TEP1: variants seen among roughly 807,000 people sequenced by gnomAD.
TEP1 encodes telomerase protein component 1.
A neutral mutation model predicts 306.3 loss-of-function variants in TEP1; 241 were observed. The ratio of observed to expected loss-of-function variants is 0.79; its 90% CI spans 0.71 to 0.88. TEP1 has a LOEUF of 0.88. Among genes scored for constraint, TEP1 ranks in the 40% least tolerant of loss-of-function variants. The pLI is 0.00. For missense variants in TEP1, 3,051 were observed against 3,276.1 expected (o/e 0.93, Z 1.68); for synonymous variants, 1,289 against 1,305.5 (o/e 0.99, Z 0.27).
chr14:20,390,483 ACC>A (rs2139109692), intron 15 of TEP1, among the ~76,000 whole-genome samples, 196 bp downstream of exon 15: 2 of 152,338 alleles, frequency 1.3e-5, no homozygotes, highest in South Asian at 4.1e-4. Flanking sequence ...GATGCTACTA[ACC>A]AAGGCTTATT....
At position 20,369,857 on chromosome 14, in the gene TEP1, C is replaced by T. The variant is rs944100457; in HGVS notation, c.7318-78G>A. On this transcript the variant is annotated intron_variant, in intron 51 of 54. Coordinates refer to ENST00000262715, the MANE Select transcript of TEP1 (RefSeq NM_007110.5). ...CCAGACAAAACAACAGTTTTCTGCT[C>T]TGGGCTGGTCAGGAATTTTTTTTTT... 3.5e-6 allele frequency: 4 copies of T among 1,145,550 alleles called. No individual in the cohort carries two copies. In the African/African-American group the frequency reaches 4.9e-5, roughly 14 times the overall value. The allele number at this position is 1,145,550 out of a possible 1,614,324, so 71.0% of individuals were successfully genotyped here.
Position 20,376,122 on chromosome 14 carries a change from G to A in TEP1, c.6231C>T (p.Ala2077=). ...CSFSTDGGSL[A]TGGRDRSLLC... is the part of the protein sequence containing the mutation. ...AGCTCACCCGATCCCGGCCCCCGGT[G>A]GCCAGGCTGCCTCCATCAGTGCTGA... The change falls in exon 42 of 55, where the codon GCC becomes GCT. Residue 2077 remains alanine (A), a synonymous_variant. Transcript: ENST00000262715. 6.2e-7 allele frequency: 1 copy of A among 1,614,126 alleles called. No individual in the cohort carries two copies. The highest frequency in any genetic ancestry group is 8.5e-7 in the Non-Finnish European group (1 of 1,180,012).
At chr14:20,379,431 C>A (rs1464034626) in intron 35 of TEP1, among the ~76,000 whole-genome samples, 1 of 152,202 alleles carries the variant, frequency 6.6e-6, no homozygotes, top group Non-Finnish European at 1.5e-5. Flanking sequence ...ACCTCTCCAG[C>A]CTAATGTACT....
chr14:20,395,604 T>C lies in TEP1; in HGVS notation c.1774A>G (p.Thr592Ala). ...NQALPFPSNI[T>A]LMRRILTRNE... ...CTAGTTAGTATCCGCCTCATCAGTG[T>C]TATATTCGAAGGAAAGGGCAATGCT... is the stretch of plus-strand genomic sequence containing the variant. The change falls in exon 12 of 55, where the codon ACA (threonine) becomes GCA (alanine). Residue 592 changes from threonine to alanine, a missense_variant. By Grantham distance (58) the Thr-to-Ala change is moderately conservative (BLOSUM62 0). This residue lies in a region of TEP1 where 1,507 missense variants were observed against 1,550.5 expected (regional missense o/e 0.97). Coordinates refer to ENST00000262715, the MANE Select transcript of TEP1 (RefSeq NM_007110.5). The C allele has an allele frequency of 6.2e-7, 1 of 1,603,500 alleles. No individual in the cohort carries two copies. Among genetic ancestry groups the C allele is most frequent in the Non-Finnish European group, 8.5e-7 (1 of 1,171,098 alleles).
chr14:20,387,695 T>C (rs1877323404), intron 18 of TEP1, among the ~76,000 whole-genome samples: 1 of 152,268 alleles, frequency 6.6e-6, no homozygotes. Context: ...ATCTTTGCAT[T>C]CTGACTTCCT....
In TEP1 at chr14:20,377,635, C is replaced by T. The variant is rs377389073; in HGVS notation, c.5840G>A (p.Arg1947Gln). 18 of 1,614,004 alleles carry T rather than the reference C, an allele frequency of 1.1e-5. No individual in the cohort carries two copies. Among genetic ancestry groups the T allele is most frequent in the East Asian group, 2.2e-5 (1 of 44,886 alleles). Residue 1947 changes from arginine (R) to glutamine (Q), a missense_variant, in exon 40 of 55, where the codon CGA (arginine) becomes CAA (glutamine). This residue lies in a region of TEP1 where 1,540 missense variants were observed against 1,705.9 expected (regional missense o/e 0.90). Coordinates refer to ENST00000262715, the MANE Select transcript of TEP1 (RefSeq NM_007110.5). ...TTTGTAGATCCTAATGCCATCCGCT[C>T]GATATCCAACAGCCACCCGATCACC... ...PDGDRVAVGY[R>Q]ADGIRIYKIS...
rs763805137 is a variant in TEP1, at chr14:20,390,752, CA to C, written c.2262del (p.Phe754LeufsTer9). ...AIKLQAQVQE[F>X]DENDGWSLNT... ...TTCAGGGACCATCCATCATTTTCAT[CA>C]AACTCCTGAAGGAAAGAGACTTCAT... On this transcript the variant is annotated frameshift_variant, in exon 15 of 55. Coordinates refer to ENST00000262715, the MANE Select transcript of TEP1 (RefSeq NM_007110.5). LOFTEE classifies it high-confidence loss of function. The C allele has an allele frequency of 1.2e-6, 2 of 1,614,202 alleles. No individual in the cohort carries two copies.
intron 53 of TEP1, among the ~76,000 whole-genome samples, chr14:20,369,120 G>C (rs1713443): frequency 6.6e-6 from 1 of 151,378 alleles, no homozygotes; most frequent in Non-Finnish European, 1.5e-5. Flanking sequence ...CCATTCTCCT[G>C]CCTCAGACTC....
rs773081287 is a variant in TEP1, at chr14:20,391,639, G to T, written c.2057C>A (p.Ala686Asp). The T allele has an allele frequency of 9.9e-6, 16 of 1,614,020 alleles. No individual in the cohort carries two copies. Among genetic ancestry groups the T allele is most frequent in the Non-Finnish European group, 1.4e-5 (16 of 1,180,024 alleles). Residue 686 changes from alanine to aspartate, a missense_variant, in exon 13 of 55, where the codon GCT (alanine) becomes GAT (aspartate). By Grantham distance (126) the Ala-to-Asp change is moderately radical. Coordinates refer to ENST00000262715, the MANE Select transcript of TEP1 (RefSeq NM_007110.5). ...GRTVLVYLTDANADRLCPKSN... is the reference protein window; with the variant it reads ...GRTVLVYLTDDNADRLCPKSN... ...CTTTGGACAGAGCCTGTCTGCATTA[G>T]CATCTGTCAGATAGACCAAGACAGT...
rs761347422 is a variant in TEP1 at position 20,373,311 on chromosome 14, T to G, written c.6773A>C (p.Glu2258Ala). The change falls in exon 47 of 55, where the codon GAG becomes GCG. Residue 2258 changes from glutamate (E) to alanine (A), a missense_variant. Transcript: ENST00000262715. ...ETSGLMLTAS[E>A]DGSVRLWQVP... ...CTGCCAGAGCCGTACAGAACCATCC[T>G]CAGAGGCGGTCAGCATGAGGCCTGA... The G allele has an allele frequency of 1.2e-6, 2 of 1,613,940 alleles. No homozygotes were observed. Among genetic ancestry groups the G allele is most frequent in the South Asian group, 1.1e-5 (1 of 91,084 alleles).
At chr14:20,403,344 T>C in intron 7 of TEP1, 33 bp downstream of exon 7, 2 of 1,611,968 alleles carry the variant, frequency 1.2e-6, no homozygotes, top group Non-Finnish European at 1.7e-6. Flanking sequence ...AGATTGTACA[T>C]GCACATATAC....
intron 2 of TEP1, among the ~76,000 whole-genome samples, chr14:20,407,161 G>A (rs1029697714): frequency 6.6e-6 from 1 of 152,220 alleles, no homozygotes; most frequent in South Asian, 2.1e-4. Flanking sequence ...ATGTGTAAAA[G>A]TGGACGTGTA....
intron 1 of TEP1, among the ~76,000 whole-genome samples, chr14:20,409,024 T>C (rs994494946): frequency 1.3e-5 from 2 of 152,110 alleles, no homozygotes; most frequent in African/African-American, 4.8e-5. Context: ...TTTAATCAAG[T>C]TGTCAATATT....
At chr14:20,408,758 A>G (rs772892463) in intron 1 of TEP1, among the ~76,000 whole-genome samples, 2 of 152,084 alleles carry the variant, frequency 1.3e-5, no homozygotes, top group Non-Finnish European at 2.9e-5. Context: ...CTTGAGCCCA[A>G]GAGTTTGAGG....
At chr14:20,409,914 C>T (rs577160541) in intron 1 of TEP1, among the ~76,000 whole-genome samples, 3 of 149,776 alleles carry the variant, frequency 2.0e-5, no homozygotes, top group Admixed American at 6.7e-5. Context: ...CCCAGCTACT[C>T]GGGAGGCTGA....
intron 12 of TEP1, among the ~76,000 whole-genome samples, chr14:20,392,168 C>T (rs1311536886): frequency 2.0e-5 from 3 of 152,202 alleles, no homozygotes; most frequent in Admixed American, 6.5e-5. Flanking sequence ...CCCACCTTTC[C>T]CATACAATCT....
chr14:20,406,519 T>A, intron 2 of TEP1, 119 bp from the exon 3 acceptor site: 1 of 986,482 alleles, frequency 1.0e-6, no homozygotes, highest in Non-Finnish European at 1.5e-6. Context: ...ATAGCACCTC[T>A]AATGTTCTCT....
chr14:20,405,300 G>A (rs758003177), intron 4 of TEP1, 151 bp downstream of exon 4: 26 of 1,024,344 alleles, frequency 2.5e-5, no homozygotes, highest in Non-Finnish European at 3.6e-5. Flanking sequence ...CTGAACCACA[G>A]GGACTAGGCC....
rs959888394 is a variant in TEP1 at position 20,380,379 on chromosome 14, T to C, written c.4859A>G (p.Tyr1620Cys). 1.9e-6 allele frequency: 3 copies of C among 1,613,798 alleles called. No individual in the cohort carries two copies. Among genetic ancestry groups the C allele is most frequent in the Non-Finnish European group, 2.5e-6 (3 of 1,179,906 alleles). ...TGCCTGCTGGGGCAGGAGCCGGGGG[T>C]ACTGGCTGAGGATTGAAGCCTGCTG... Reference protein sequence around the residue: ...LRQQASILSQYPRLLPQQAAN... With the variant: ...LRQQASILSQCPRLLPQQAAN... Residue 1620 changes from tyrosine (Y) to cysteine (C), a missense_variant, in exon 34 of 55, where the codon TAC becomes TGC. Tyr to Cys is a radical substitution (Grantham distance 194). Transcript: ENST00000262715.
Sources: allele counts gnomAD v4.1 joint callset (sites outside exome capture counted in the v4.1 genomes callset), GRCh38; gene constraint gnomAD v4.1.1; regional missense constraint gnomAD v4.1.1; transcripts MANE v1.5; gene names NCBI Gene and HGNC (gene_info 2026-07-23, HGNC 2026-07-21).